Variants in IQCM observed in about 807,000 individuals in gnomAD.
The protein encoded by IQCM is IQ motif containing M, also known as IQ domain-containing protein M.
IQCM carries 45 observed loss-of-function variants against 57.6 expected under a neutral mutation model. That is an observed-to-expected ratio of 0.78 (90% CI 0.62 to 1.00). IQCM has a LOEUF of 1.00. IQCM is among the 50% of genes least tolerant of loss of function. The pLI, the probability that IQCM is intolerant of heterozygous loss-of-function variation, is 0.00. For synonymous variants in IQCM, 148 were observed against 158.9 expected (o/e 0.93, Z 0.51); for missense variants, 468 against 511.6 (o/e 0.91, Z 0.82).
intron 2 of IQCM, among the ~76,000 whole-genome samples, chr4:149,794,286 C>T (rs1343694035): frequency 6.6e-6 from 1 of 152,202 alleles, no homozygotes; most frequent in African/African-American, 2.4e-5. Context: ...GCAGAAATGC[C>T]ATATGACACA....
chr4:149,447,571 C>A (rs766135797), intron 12 of IQCM, among the ~76,000 whole-genome samples: 11 of 151,304 alleles, frequency 7.3e-5, no homozygotes, highest in Middle Eastern at 3.4e-3. Context: ...AAATTGAGAA[C>A]ATACCAGTGA....
chr4:149,789,207 A>G (rs538301351), intron 2 of IQCM, among the ~76,000 whole-genome samples: 46 of 152,360 alleles, frequency 3.0e-4, no homozygotes, highest in African/African-American at 1.1e-3. Context: ...GATACCCTAA[A>G]TACTCTGACT....
intron 2 of IQCM, among the ~76,000 whole-genome samples, chr4:149,766,532 A>G (rs923961731): frequency 6.6e-6 from 1 of 152,014 alleles, no homozygotes; most frequent in South Asian, 2.1e-4. Flanking sequence ...TGCCTTTATA[A>G]TCTCTAACTC....
chr4:149,765,852 A>G (rs1275487258), intron 2 of IQCM, among the ~76,000 whole-genome samples: 1 of 151,848 alleles, frequency 6.6e-6, no homozygotes, highest in Admixed American at 6.6e-5. Context: ...CAGATCCATG[A>G]CTCATACCAA....
At chr4:149,460,647 A>C (rs1381517649) in intron 12 of IQCM, among the ~76,000 whole-genome samples, 7 of 152,138 alleles carry the variant, frequency 4.6e-5, no homozygotes, top group Admixed American at 2.0e-4. Context: ...GAAGAAAGAA[A>C]GGGAAAAAAT....
At chr4:149,758,205 A>G (rs1208467172) in intron 2 of IQCM, among the ~76,000 whole-genome samples, 1 of 152,180 alleles carries the variant, frequency 6.6e-6, no homozygotes, top group African/African-American at 2.4e-5. Context: ...AATTATTAAT[A>G]GGGATAAATA....
chr4:149,473,202 GA>G (rs1240538144), intron 12 of IQCM, among the ~76,000 whole-genome samples: 3 of 152,152 alleles, frequency 2.0e-5, no homozygotes, highest in African/African-American at 7.2e-5. Flanking sequence ...CAGAATGGGA[GA>G]AAAGTTTTGC....
chr4:149,452,426 T>C (rs915897814), intron 12 of IQCM, among the ~76,000 whole-genome samples: 2 of 151,318 alleles, frequency 1.3e-5, no homozygotes, highest in Non-Finnish European at 3.0e-5. Flanking sequence ...ATACTATCAA[T>C]GTTAAAACTT....
intron 7 of IQCM, among the ~76,000 whole-genome samples, chr4:149,624,852 G>C (rs926711038): frequency 7.9e-5 from 12 of 152,168 alleles, no homozygotes; most frequent in Admixed American, 2.6e-4. Flanking sequence ...AAATGAAAAT[G>C]TATCTTTATT....
intron 10 of IQCM, among the ~76,000 whole-genome samples, chr4:149,558,228 T>A (rs569965198): frequency 3.9e-5 from 6 of 152,298 alleles, no homozygotes; most frequent in African/African-American, 1.4e-4. Flanking sequence ...TTGACTTTCA[T>A]GGCTCCAGTT....
At chr4:149,442,640 A>C (rs1360061339) in intron 12 of IQCM, among the ~76,000 whole-genome samples, 1 of 152,052 alleles carries the variant, frequency 6.6e-6, no homozygotes, top group Non-Finnish European at 1.5e-5. Flanking sequence ...CAATTGTAGC[A>C]TCTTTAACTT....
chr4:149,630,664 T>C (rs1429081949), intron 7 of IQCM, among the ~76,000 whole-genome samples: 1 of 152,222 alleles, frequency 6.6e-6, no homozygotes, highest in Non-Finnish European at 1.5e-5. Context: ...CCTGAACTCA[T>C]ACATCCCTGA....
chr4:149,445,699 T>A (rs1272053108), intron 12 of IQCM, among the ~76,000 whole-genome samples: 1 of 151,784 alleles, frequency 6.6e-6, no homozygotes, highest in African/African-American at 2.4e-5. Context: ...ATGCAGCCCT[T>A]TCATAACGGC....
chr4:149,804,801 T>G (rs1378475014), intron 2 of IQCM, among the ~76,000 whole-genome samples: 1 of 152,090 alleles, frequency 6.6e-6, no homozygotes, highest in South Asian at 2.1e-4. Context: ...ATTTCTCACT[T>G]TAATACATGA....
At chr4:149,541,524 T>C (rs1747850504) in intron 12 of IQCM, among the ~76,000 whole-genome samples, 1 of 152,078 alleles carries the variant, frequency 6.6e-6, no homozygotes, top group African/African-American at 2.4e-5. Context: ...AAGTAGATAA[T>C]ATACACCCAC....
At chr4:149,494,609 C>T (rs1358219176) in intron 12 of IQCM, among the ~76,000 whole-genome samples, 1 of 152,100 alleles carries the variant, frequency 6.6e-6, no homozygotes, top group East Asian at 1.9e-4. Flanking sequence ...CAGAATAAAA[C>T]AGGGCAAGCC....
intron 13 of IQCM, among the ~76,000 whole-genome samples, chr4:149,417,728 T>G (rs1676446698): frequency 6.6e-6 from 1 of 151,982 alleles, no homozygotes; most frequent in African/African-American, 2.4e-5. Flanking sequence ...CTTTACTGTC[T>G]CCTCTGTAAT....
chr4:149,760,125 G>A (rs1769366668), intron 2 of IQCM, among the ~76,000 whole-genome samples: 1 of 151,894 alleles, frequency 6.6e-6, no homozygotes, highest in Admixed American at 6.6e-5. Flanking sequence ...AGGGTACTGG[G>A]TGGACAAAAT....
chr4:149,484,238 T>G (rs1363114674), intron 12 of IQCM, among the ~76,000 whole-genome samples: 1 of 152,032 alleles, frequency 6.6e-6, no homozygotes, highest in African/African-American at 2.4e-5. Flanking sequence ...TCATTGAGTC[T>G]TGTTTTTTCA....
Sources: allele counts gnomAD v4.1 joint callset (sites outside exome capture counted in the v4.1 genomes callset), GRCh38; gene constraint gnomAD v4.1.1; transcripts MANE v1.5; gene names NCBI Gene and HGNC (gene_info 2026-07-23, HGNC 2026-07-21).